The following FMN1 variants were observed in gnomAD, a reference collection of about 807,000 sequenced individuals.
FMN1 encodes the protein formin 1.
FMN1 carries 110 observed loss-of-function variants against 132.4 expected under a neutral mutation model. The ratio of observed to expected loss-of-function variants is 0.83; its 90% CI spans 0.71 to 0.97. FMN1 has a LOEUF of 0.97. Ranked by LOEUF, FMN1 falls within the 50% of genes least tolerant of loss-of-function variation. FMN1 has a pLI of 0.00. For synonymous variants in FMN1, 722 were observed against 651.7 expected, an observed-to-expected ratio of 1.11 and a Z score of -1.64; for missense variants, 1,792 against 1,705.3, an observed-to-expected ratio of 1.05 and a Z score of -0.90.
chr15:33,168,305 T>A (rs925943855), intron 3 of FMN1, among the ~76,000 whole-genome samples: 1 of 152,224 alleles, frequency 6.6e-6, no homozygotes, highest in Non-Finnish European at 1.5e-5. Flanking sequence ...ATTATTTTGC[T>A]TCTCTTCAGA....
chr15:32,836,678 A>G (rs1020332378), intron 17 of FMN1, among the ~76,000 whole-genome samples: 1 of 152,068 alleles, frequency 6.6e-6, no homozygotes, highest in African/African-American at 2.4e-5. Flanking sequence ...TTGAGCATAC[A>G]TCTCCCTCAG....
In FMN1 at chr15:33,154,770, T is replaced by G; in HGVS notation, c.145A>C (p.Asn49His). 13 of 1,536,114 alleles carry G rather than the reference T, an allele frequency of 8.5e-6. No individual in the cohort carries two copies. The highest frequency in any genetic ancestry group is 1.0e-5 in the Non-Finnish European group (12 of 1,146,908). ...GACTCCTCCCTGACTTGGTAGCAGT[T>G]ATGAAAACCTTTATTGGATCTGTCT... ...TLDRSNKGFH[N>H]CYQVREESDI... Residue 49 changes from asparagine to histidine, a missense_variant, in exon 4 of 21, where the codon AAC becomes CAC. By Grantham distance (68) the Asn-to-His change is moderately conservative. This residue lies in a region of FMN1 where 638 missense variants were observed against 645.2 expected (regional missense o/e 0.99). Coordinates refer to ENST00000616417, the MANE Select transcript of FMN1 (RefSeq NM_001277313.2).
rs1304885420 is a variant in FMN1 at position 33,031,292 on chromosome 15, GC to G, written c.2162-23218del. On this transcript the variant is annotated intron_variant, in intron 6 of 20. Coordinates refer to ENST00000616417, the MANE Select transcript of FMN1 (RefSeq NM_001277313.2). Reference sequence around the variant, plus strand: ...AAACCATCATGATACACAAGCCTAAGCTTTCTACCATCAGGAGGAGCCAGCA... The same window carrying G: ...AAACCATCATGATACACAAGCCTAAGTTTCTACCATCAGGAGGAGCCAGCA... Among the ~76,000 whole-genome samples, 3 of 152,236 alleles carry G rather than the reference GC, an allele frequency of 2.0e-5. No homozygotes were observed. The East Asian group carries it at 5.8e-4, about 29-fold the overall frequency.
At chr15:33,149,923 A>G in intron 4 of FMN1, 7 of 984,558 alleles carry the variant, frequency 7.1e-6, no homozygotes, top group Non-Finnish European at 8.4e-6. Context: ...TGTAAATAAA[A>G]TTTATTTCAT....
In FMN1 at chr15:33,024,223, A is replaced by ATTTTTTTTTTTTTT. The variant is rs555760509; in HGVS notation, c.2162-16162_2162-16149dup. Among the ~76,000 whole-genome samples the ATTTTTTTTTTTTTT allele has an allele frequency of 3.4e-4, 30 of 88,008 alleles. 4 individuals are homozygous for ATTTTTTTTTTTTTT. Among genetic ancestry groups the ATTTTTTTTTTTTTT allele is most frequent in the African/African-American group, 3.5e-4 (8 of 22,820 alleles). 57.7% of individuals were successfully genotyped at this position (88,008 alleles called of 152,430 possible). A position where few individuals can be genotyped will look rare whatever the true frequency, so the allele number is the denominator to read the frequency against. Reference sequence around the variant, plus strand: ...GGGAATACTATTTCACACCTATCAGATTTTTTTTTTTTTTTTTTTTTTTTT... The same window carrying ATTTTTTTTTTTTTT: ...GGGAATACTATTTCACACCTATCAGATTTTTTTTTTTTTTTTTTTTTTTTTTTTTTTTTTTTTTT... On this transcript the variant is annotated intron_variant, in intron 6 of 20. Transcript: ENST00000616417.
intron 17 of FMN1, among the ~76,000 whole-genome samples, chr15:32,839,112 C>G (rs1012223061): frequency 6.6e-6 from 1 of 152,090 alleles, no homozygotes; most frequent in Non-Finnish European, 1.5e-5. Flanking sequence ...GAAGAACTCT[C>G]ATGAGAAAGT....
At chr15:32,907,946 C>A (rs1006552539) in intron 12 of FMN1, among the ~76,000 whole-genome samples, 2 of 151,996 alleles carry the variant, frequency 1.3e-5, no homozygotes, top group Admixed American at 1.3e-4. Flanking sequence ...AACGGCATCA[C>A]AAACAACAGA....
intron 16 of FMN1, among the ~76,000 whole-genome samples, chr15:32,875,054 C>T (rs1398670684): frequency 6.6e-6 from 1 of 152,214 alleles, no homozygotes; most frequent in African/African-American, 2.4e-5. Flanking sequence ...GACATATTGC[C>T]ATTTATCTCT....
intron 7 of FMN1, among the ~76,000 whole-genome samples, chr15:32,975,962 G>C (rs148810184): frequency 6.6e-6 from 1 of 152,114 alleles, no homozygotes; most frequent in East Asian, 1.9e-4. Flanking sequence ...CAACAGAGGA[G>C]ACTTTTGCTT....
At position 33,092,550 on chromosome 15, in the gene FMN1, C is replaced by T. The variant is rs1000994263; in HGVS notation, c.1868-3576G>A. 8.5e-5 allele frequency among the ~76,000 whole-genome samples: 13 copies of T among 152,280 alleles called. No homozygotes were observed. In the East Asian group the frequency reaches 1.7e-3, roughly 20 times the overall value. ...CTGTGCTTCTGCCCTCACCATGAGA[C>T]GAACATGGTCCTCGGGAGCTTCGAA... On this transcript the variant is annotated intron_variant, in intron 4 of 20. Coordinates refer to ENST00000616417, the MANE Select transcript of FMN1 (RefSeq NM_001277313.2).
intron 7 of FMN1, among the ~76,000 whole-genome samples, chr15:32,976,537 A>C (rs1214782429): frequency 1.3e-5 from 2 of 152,184 alleles, no homozygotes; most frequent in Admixed American, 1.3e-4. Flanking sequence ...TTTGATGAGA[A>C]CCCATAAATT....
At chr15:33,157,566 T>C (rs1341048532) in intron 3 of FMN1, among the ~76,000 whole-genome samples, 1 of 152,244 alleles carries the variant, frequency 6.6e-6, no homozygotes, top group Non-Finnish European at 1.5e-5. Context: ...CTTCACCTAC[T>C]GCCTTCTACT....
At chr15:32,995,882 A>G (rs1285027967) in intron 7 of FMN1, among the ~76,000 whole-genome samples, 1 of 152,246 alleles carries the variant, frequency 6.6e-6, no homozygotes, top group Non-Finnish European at 1.5e-5. Context: ...TCCTAGGAAG[A>G]GGCAATAATG....
intron 19 of FMN1, among the ~76,000 whole-genome samples, chr15:32,783,334 T>C (rs562929894): frequency 1.1e-4 from 16 of 152,306 alleles, no homozygotes; most frequent in African/African-American, 2.2e-4. Flanking sequence ...TAAGGAGTTA[T>C]TGGGAGCCCC....
chr15:32,912,030 A>G (rs533857915), intron 10 of FMN1, among the ~76,000 whole-genome samples: 1 of 152,330 alleles, frequency 6.6e-6, no homozygotes, highest in Admixed American at 6.5e-5. Flanking sequence ...GTATTCTCTC[A>G]CAAAAATCAA....
intron 9 of FMN1, among the ~76,000 whole-genome samples, chr15:32,928,086 G>C (rs376960830): frequency 1.3e-5 from 2 of 152,052 alleles, no homozygotes; most frequent in African/African-American, 4.8e-5. Flanking sequence ...ATCAATTATT[G>C]CCAGATATTT....
intron 15 of FMN1, among the ~76,000 whole-genome samples, chr15:32,898,478 T>C (rs1182816218): frequency 1.3e-5 from 2 of 152,214 alleles, no homozygotes; most frequent in African/African-American, 4.8e-5. Context: ...CTTACTTTCC[T>C]AAATTTTGCT....
intron 4 of FMN1, chr15:33,150,552 T>C: frequency 1.0e-6 from 1 of 985,422 alleles, no homozygotes. Context: ...CTCTGTGACA[T>C]CCTTATGCTA....
chr15:33,017,701 G>C (rs2035139321), intron 6 of FMN1, among the ~76,000 whole-genome samples: 1 of 152,170 alleles, frequency 6.6e-6, no homozygotes, highest in African/African-American at 2.4e-5. Context: ...CAAAAGATGG[G>C]GGGAAACTTC....
Sources: allele counts gnomAD v4.1 joint callset (sites outside exome capture counted in the v4.1 genomes callset), GRCh38; gene constraint gnomAD v4.1.1; regional missense constraint gnomAD v4.1.1; transcripts MANE v1.5; gene names NCBI Gene and HGNC (gene_info 2026-07-23, HGNC 2026-07-21).